PAM: variants seen among roughly 807,000 people sequenced by gnomAD.
The protein encoded by PAM is peptidyl-glycine alpha-amidating monooxygenase.
PAM carries 72 observed loss-of-function variants against 122.1 expected under a neutral mutation model. The ratio of observed to expected loss-of-function variants is 0.59; its 90% CI spans 0.49 to 0.72. The LOEUF (loss-of-function observed/expected upper bound fraction) is 0.72. Among genes scored for constraint, PAM ranks in the 30% least tolerant of loss-of-function variants. PAM has a pLI of 0.00. For synonymous variants in PAM, 389 were observed against 404.4 expected (o/e 0.96, Z 0.46); for missense variants, 1,106 against 1,183.7 (o/e 0.93, Z 0.96).
At chr5:102,843,175 GA>G (rs1456443633) in intron 1 of PAM, among the ~76,000 whole-genome samples, 3 of 152,176 alleles carry the variant, frequency 2.0e-5, no homozygotes, top group Non-Finnish European at 4.4e-5. Context: ...TGACATACAT[GA>G]TAAAACACTT....
chr5:103,025,703 C>CA (rs1784761833), intron 24 of PAM, among the ~76,000 whole-genome samples: 1 of 152,112 alleles, frequency 6.6e-6, no homozygotes, highest in Non-Finnish European at 1.5e-5. Flanking sequence ...GCCCAGTCCT[C>CA]AAAGTACCTG....
chr5:102,855,084 A>C (rs1431781405), intron 1 of PAM, among the ~76,000 whole-genome samples: 1 of 152,174 alleles, frequency 6.6e-6, no homozygotes, highest in Non-Finnish European at 1.5e-5. Flanking sequence ...TTTTTTAAGC[A>C]ACTTTGTTCT....
chr5:102,810,578 C>T (rs1767607649), intron 1 of PAM, among the ~76,000 whole-genome samples: 1 of 152,140 alleles, frequency 6.6e-6, no homozygotes. Flanking sequence ...GGCCTGTATT[C>T]CCAGCACTTT....
intron 2 of PAM, chr5:102,866,600 G>T (rs1475122023): frequency 1.2e-5 from 4 of 331,918 alleles, no homozygotes; most frequent in African/African-American, 6.4e-5. Flanking sequence ...ACAGCTCGAA[G>T]AATAAAATAT....
intron 16 of PAM, among the ~76,000 whole-genome samples, chr5:102,992,865 C>T (rs1035722560): frequency 1.3e-5 from 2 of 152,050 alleles, no homozygotes; most frequent in Admixed American, 1.3e-4. Flanking sequence ...CAAATTGAAG[C>T]ACATTATATC....
rs1766878311 is a variant in PAM, at chr5:102,974,266, C to T, written c.1313C>T (p.Ser438Phe). The change falls in exon 15 of 26, where the codon TCT becomes TTT. Residue 438 changes from serine (S) to phenylalanine (F), a missense_variant. Coordinates refer to ENST00000438793, the MANE Select transcript of PAM (RefSeq NM_001177306.2). ...GTCCAAAAAAAGGATCTTGGTCGAT[C>T]TGATGCCAGAGAGGGTGCAGAACAT... The part of the protein sequence containing the change: ...NVVQKKDLGR[S>F]DAREGAEHER... 6.2e-7 allele frequency: 1 copy of T among 1,613,942 alleles called. No homozygotes were observed. The highest frequency in any genetic ancestry group is 1.7e-5 in the Admixed American group (1 of 59,988).
intron 1 of PAM, among the ~76,000 whole-genome samples, chr5:102,795,058 T>TGGG (rs1294258508): frequency 1.3e-5 from 2 of 151,090 alleles, no homozygotes; most frequent in Non-Finnish European, 3.0e-5. Flanking sequence ...GGAGTGGTGG[T>TGGG]GGGCTCTGTT....
chr5:102,792,784 T>C (rs977218961), intron 1 of PAM, among the ~76,000 whole-genome samples: 7 of 152,226 alleles, frequency 4.6e-5, no homozygotes, highest in Admixed American at 3.3e-4. Context: ...GCTTCAGTTT[T>C]TGAGGCTCCT....
intron 1 of PAM, among the ~76,000 whole-genome samples, chr5:102,778,151 C>T (rs1291934376): frequency 6.6e-6 from 1 of 152,148 alleles, no homozygotes; most frequent in Non-Finnish European, 1.5e-5. Flanking sequence ...GGGTGAGTTG[C>T]CTTTCTCCTC....
intron 14 of PAM, among the ~76,000 whole-genome samples, chr5:102,966,581 A>G (rs1326177003): frequency 2.0e-5 from 3 of 152,170 alleles, no homozygotes; most frequent in Non-Finnish European, 4.4e-5. Context: ...GACAGTAATA[A>G]GTAAACAATC....
intron 1 of PAM, among the ~76,000 whole-genome samples, chr5:102,764,703 A>T (rs572606274): frequency 1.3e-5 from 2 of 152,268 alleles, no homozygotes; most frequent in African/African-American, 4.8e-5. Context: ...ATCAACTACA[A>T]TCCCAGGTTG....
chr5:102,841,081 T>C (rs1778470383), intron 1 of PAM, among the ~76,000 whole-genome samples: 1 of 152,116 alleles, frequency 6.6e-6, no homozygotes, highest in African/African-American at 2.4e-5. Context: ...CTGAGCTGGA[T>C]TGTTTAAGAA....
chr5:102,836,180 A>T (rs1266773728), intron 1 of PAM, among the ~76,000 whole-genome samples: 1 of 152,242 alleles, frequency 6.6e-6, no homozygotes, highest in East Asian at 1.9e-4. Context: ...TCTCTTACAA[A>T]TATGACTGTT....
intron 4 of PAM, among the ~76,000 whole-genome samples, chr5:102,901,778 C>A (rs1314693623): frequency 1.3e-5 from 2 of 151,190 alleles, no homozygotes; most frequent in East Asian, 3.9e-4. Context: ...ATCGACTGCA[C>A]TTAGAATCAA....
intron 7 of PAM, among the ~76,000 whole-genome samples, chr5:102,938,012 A>G (rs972493608): frequency 1.3e-5 from 2 of 152,132 alleles, no homozygotes; most frequent in Non-Finnish European, 2.9e-5. Flanking sequence ...AGGTTGCTTG[A>G]TAATCCCACT....
chr5:102,965,970 A>G (rs1763972689), intron 14 of PAM, among the ~76,000 whole-genome samples: 1 of 152,082 alleles, frequency 6.6e-6, no homozygotes, highest in South Asian at 2.1e-4. Context: ...AGAGTTAAAT[A>G]AAGGCTGGGC....
chr5:102,979,202 G>A (rs893405192), intron 15 of PAM, among the ~76,000 whole-genome samples: 2 of 152,044 alleles, frequency 1.3e-5, no homozygotes, highest in Non-Finnish European at 2.9e-5. Context: ...TTAGTATTCA[G>A]CCAGTTTGAC....
At chr5:102,792,297 G>A (rs1335322999) in intron 1 of PAM, among the ~76,000 whole-genome samples, 1 of 152,100 alleles carries the variant, frequency 6.6e-6, no homozygotes, top group African/African-American at 2.4e-5. Flanking sequence ...AATATTAAAG[G>A]TAAATGAAAT....
intron 7 of PAM, among the ~76,000 whole-genome samples, chr5:102,931,354 T>G (rs1751444084): frequency 6.6e-6 from 1 of 152,192 alleles, no homozygotes; most frequent in Non-Finnish European, 1.5e-5. Context: ...AAAGATAAAC[T>G]GCAAGACCAA....
Sources: allele counts gnomAD v4.1 joint callset (sites outside exome capture counted in the v4.1 genomes callset), GRCh38; gene constraint gnomAD v4.1.1; transcripts MANE v1.5; gene names NCBI Gene and HGNC (gene_info 2026-07-23, HGNC 2026-07-21).